The following MPP7 variants were observed in gnomAD, a reference collection of about 807,000 sequenced individuals.
The protein encoded by MPP7 is MAGUK p55 scaffold protein 7.
A neutral mutation model predicts 76.5 loss-of-function variants in MPP7; 60 were observed. The ratio of observed to expected loss-of-function variants is 0.78; its 90% confidence interval spans 0.64 to 0.97. The LOEUF (loss-of-function observed/expected upper bound fraction) is 0.97. Ranked by LOEUF, MPP7 falls within the 50% of genes least tolerant of loss-of-function variation. The pLI is 0.00. For missense variants in MPP7, 641 were observed against 694.0 expected (o/e 0.92, Z 0.86); for synonymous variants, 237 against 244.5 (o/e 0.97, Z 0.29).
chr10:28,108,517 C>T (rs1040293478), intron 11 of MPP7, among the ~76,000 whole-genome samples: 2 of 151,594 alleles, frequency 1.3e-5, no homozygotes, highest in African/African-American at 4.8e-5. Context: ...ATTAGCTGGC[C>T]GTGGTGGTGC....
intron 3 of MPP7, among the ~76,000 whole-genome samples, chr10:28,191,722 T>A (rs1045583676): frequency 6.6e-6 from 1 of 152,196 alleles, no homozygotes; most frequent in Non-Finnish European, 1.5e-5. Flanking sequence ...CAAATAAGAC[T>A]CATTCCAGGT....
chr10:28,192,406 G>A lies in MPP7; in HGVS notation c.156+9747C>T, dbSNP rs140677308. On this transcript the variant is annotated intron_variant, in intron 3 of 16. Transcript: ENST00000683449. ...CAAAAGACCTTGGCCACAAGCAAAC[G>A]ATTATAGCAAGGATGCAAGACAGAA... Among the ~76,000 whole-genome samples, 625 of 152,222 alleles carry A rather than the reference G, an allele frequency of 4.1e-3. 4 individuals are homozygous for A. The highest frequency in any genetic ancestry group is 0.015 in the African/African-American group (604 of 41,532).
At chr10:28,297,104 GT>G (rs1841053101) in intron 1 of MPP7, among the ~76,000 whole-genome samples, 1 of 152,190 alleles carries the variant, frequency 6.6e-6, no homozygotes, top group Admixed American at 6.5e-5. Context: ...GATATCACAT[GT>G]TCCATTCCAG....
intron 11 of MPP7, among the ~76,000 whole-genome samples, chr10:28,090,788 C>A (rs1192960146): frequency 6.6e-6 from 1 of 152,210 alleles, no homozygotes; most frequent in Non-Finnish European, 1.5e-5. Context: ...AATAAATCAT[C>A]AAGCCTCAGG....
chr10:28,145,547 T>A (rs1200353620), intron 5 of MPP7, among the ~76,000 whole-genome samples: 1 of 152,178 alleles, frequency 6.6e-6, no homozygotes, highest in Non-Finnish European at 1.5e-5. Flanking sequence ...GTTAAAGTAA[T>A]ATGGAAATGA....
intron 1 of MPP7, among the ~76,000 whole-genome samples, chr10:28,293,639 C>G (rs923118083): frequency 1.3e-5 from 2 of 152,286 alleles, no homozygotes; most frequent in African/African-American, 4.8e-5. Flanking sequence ...GAAGTGAGTG[C>G]TAACTCCAGT....
intron 3 of MPP7, among the ~76,000 whole-genome samples, chr10:28,167,210 C>A (rs1023241417): frequency 6.6e-6 from 1 of 152,010 alleles, no homozygotes; most frequent in African/African-American, 2.4e-5. Flanking sequence ...ACTCGGGAGG[C>A]TGAGGCACAA....
chr10:28,222,893 T>C (rs1838563725), intron 2 of MPP7, among the ~76,000 whole-genome samples: 1 of 146,568 alleles, frequency 6.8e-6, no homozygotes, highest in Non-Finnish European at 1.5e-5. Context: ...TTTTAGGTAG[T>C]ATTACATACA....
chr10:28,285,937 C>A (rs1292941594), intron 1 of MPP7, among the ~76,000 whole-genome samples: 1 of 151,914 alleles, frequency 6.6e-6, no homozygotes, highest in Non-Finnish European at 1.5e-5. Context: ...TTATCTTCAT[C>A]TTAAAAGATG....
intron 2 of MPP7, among the ~76,000 whole-genome samples, chr10:28,323,041 G>A (rs1020396133): frequency 3.9e-5 from 6 of 151,974 alleles, no homozygotes; most frequent in African/African-American, 1.4e-4. Flanking sequence ...AATCCCAGCG[G>A]TTTGGGAGGC....
intron 2 of MPP7, among the ~76,000 whole-genome samples, chr10:28,234,831 G>C (rs1472451610): frequency 6.6e-6 from 1 of 151,520 alleles, no homozygotes; most frequent in Non-Finnish European, 1.5e-5. Flanking sequence ...TTTTTTTTGA[G>C]ACAGGGTCTC....
chr10:28,089,455 C>A (rs564406145), intron 12 of MPP7, among the ~76,000 whole-genome samples: 1 of 152,224 alleles, frequency 6.6e-6, no homozygotes, highest in East Asian at 1.9e-4. Flanking sequence ...ACAAAGGTTC[C>A]ACTAAAACGA....
chr10:28,262,185 TTATATATA>T (rs766903338), intron 1 of MPP7, among the ~76,000 whole-genome samples: 3 of 60,180 alleles, frequency 5.0e-5, no homozygotes, highest in African/African-American at 1.4e-4. Context: ...AATAAATAAA[TTATATATA>T]TATATATATA....
rs554909844 is a variant in MPP7 at position 28,072,253 on chromosome 10, G to A, written c.1124-2401C>T. ...TGCACCACTGCACTCCAGCTTGGGC[G>A]ACAGAGCGAGACTCTGTCTCAAAAA... On this transcript the variant is annotated intron_variant, in intron 12 of 16. Coordinates refer to ENST00000683449, the MANE Select transcript of MPP7 (RefSeq NM_001318170.2). Among the ~76,000 whole-genome samples the A allele has an allele frequency of 6.6e-5, 10 of 152,240 alleles. No individual in the cohort carries two copies. The South Asian group carries it at 1.0e-3, about 16-fold the overall frequency.
At position 28,077,082 on chromosome 10, in the gene MPP7, CAAA is replaced by C. The variant is rs10577715; in HGVS notation, c.1124-7233_1124-7231del. Among the ~76,000 whole-genome samples, 1,064 of 107,128 alleles carry C rather than the reference CAAA, an allele frequency of 9.9e-3. 36 individuals are homozygous for C. Among genetic ancestry groups the C allele is most frequent in the Admixed American group, 0.071 (816 of 11,460 alleles). 70.3% of individuals were successfully genotyped at this position (107,128 alleles called of 152,430 possible). On this transcript the variant is annotated intron_variant, in intron 12 of 16. Transcript: ENST00000683449. Reference sequence around the variant, plus strand: ...TCTTATTCTTAAAAATCTCTAACTACAAAAAAAAAAAAAAAATCAACTCTCTAG... The same window carrying C: ...TCTTATTCTTAAAAATCTCTAACTACAAAAAAAAAAAAATCAACTCTCTAG...
intron 2 of MPP7, among the ~76,000 whole-genome samples, chr10:28,228,128 A>T (rs1838759022): frequency 6.6e-6 from 1 of 152,210 alleles, no homozygotes; most frequent in Non-Finnish European, 1.5e-5. Flanking sequence ...TGTTGGAGGA[A>T]AAAAGCAACA....
intron 2 of MPP7, among the ~76,000 whole-genome samples, chr10:28,320,454 T>A (rs1190825949): frequency 6.6e-6 from 1 of 151,834 alleles, no homozygotes; most frequent in African/African-American, 2.4e-5. Context: ...CAATTAATCT[T>A]ATAGGGGAAA....
intron 3 of MPP7, among the ~76,000 whole-genome samples, chr10:28,162,861 CTCTCTCTCTCTT>C (rs1836309139): frequency 6.6e-6 from 1 of 151,798 alleles, no homozygotes; most frequent in Non-Finnish European, 1.5e-5. Context: ...TTCTCTCACT[CTCTCTCTCTCTT>C]TCTCTCTCTC....
At chr10:28,089,601 T>A (rs1662593687) in intron 12 of MPP7, 70 bp downstream of exon 12, 1 of 1,409,722 alleles carries the variant, frequency 7.1e-7, no homozygotes, top group Admixed American at 2.0e-5. Context: ...TCAAGTATGA[T>A]TCACTTTGAA....
Sources: allele counts gnomAD v4.1 joint callset (sites outside exome capture counted in the v4.1 genomes callset), GRCh38; gene constraint gnomAD v4.1.1; transcripts MANE v1.5; gene names NCBI Gene and HGNC (gene_info 2026-07-23, HGNC 2026-07-21).